Variants in LENG1 observed in about 807,000 individuals in gnomAD.
LENG1 encodes the protein leukocyte receptor cluster member 1, also known as leukocyte receptor cluster (LRC) member 1.
Under a neutral mutation model 28.8 loss-of-function variants are expected in LENG1, and 35 were observed. The observed-to-expected ratio is 1.22, with a 90% CI of 0.93 to 1.61. LENG1 has a LOEUF of 1.61. Ranked by LOEUF, LENG1 falls within the 40% of genes most tolerant of loss-of-function variation. The probability of loss-of-function intolerance (pLI) is 0.00; values close to 1 mark genes in which losing one functional copy is unlikely to be tolerated. For missense variants in LENG1, 404 were observed against 348.9 expected (o/e 1.16, Z -1.26); for synonymous variants, 170 against 140.6 (o/e 1.21, Z -1.48).
At chr19:54,156,724 A>G (rs1384411919) in intron 3 of LENG1, 39 bp downstream of exon 3, 1 of 1,564,744 alleles carries the variant, frequency 6.4e-7, no homozygotes, top group Non-Finnish European at 8.7e-7. Context: ...CAAGCCCTGA[A>G]GGTCTGGGCC....
Position 54,159,702 on chromosome 19 carries a change from G to C in LENG1, c.-7C>G, listed in dbSNP as rs777357495. 3.7e-6 allele frequency: 6 copies of C among 1,600,372 alleles called. No homozygotes were observed. The highest frequency in any genetic ancestry group is 5.1e-6 in the Non-Finnish European group (6 of 1,173,740). ...TCTTGGGCAAGATATTCATGGCGTC[G>C]TAGCTGTCCAGGGACTGGCACGCCC... is the stretch of plus-strand genomic sequence containing the variant. On this transcript the variant is annotated 5_prime_UTR_variant, in exon 1 of 4. Transcript: ENST00000222224.
In LENG1 at chr19:54,155,442, G is replaced by A. The variant is rs1433775071; in HGVS notation, c.*279C>T. 5 of 1,144,864 alleles carry A rather than the reference G, an allele frequency of 4.4e-6. No homozygotes were observed. Among genetic ancestry groups the A allele is most frequent in the East Asian group, 4.0e-5 (1 of 25,018 alleles). 70.9% of individuals were successfully genotyped at this position (1,144,864 alleles called of 1,614,324 possible). A position where few individuals can be genotyped will look rare whatever the true frequency, so the allele number is the denominator to read the frequency against. ...CTCCCTCTACCCACCCCCTTCCCCCGCATGCTGATCCCCCTGCCCAGGTGA... is the reference window on the plus strand; with the variant it reads ...CTCCCTCTACCCACCCCCTTCCCCCACATGCTGATCCCCCTGCCCAGGTGA... On this transcript the variant is annotated 3_prime_UTR_variant, in exon 4 of 4. Coordinates refer to ENST00000222224, the MANE Select transcript of LENG1 (RefSeq NM_024316.3).
rs774511052 is a variant in LENG1, at chr19:54,159,719, G to A, written c.-24C>T. 1.4e-5 allele frequency: 22 copies of A among 1,553,400 alleles called. No individual in the cohort carries two copies. Among genetic ancestry groups the A allele is most frequent in the East Asian group, 2.3e-5 (1 of 44,144 alleles). On this transcript the variant is annotated 5_prime_UTR_variant, in exon 1 of 4. Transcript: ENST00000222224. ...ATGGCGTCGTAGCTGTCCAGGGACTGGCACGCCCGCCTCTTTGCACTTCCG... is the reference window on the plus strand; with the variant it reads ...ATGGCGTCGTAGCTGTCCAGGGACTAGCACGCCCGCCTCTTTGCACTTCCG...
At chr19:54,158,600 C>G in intron 1 of LENG1, 139 bp from the exon 2 acceptor site, 1 of 727,792 alleles carries the variant, frequency 1.4e-6, no homozygotes, top group Non-Finnish European at 2.3e-6. Context: ...AAAAGAGGCA[C>G]CTGTCCTAGC....
Position 54,156,772 on chromosome 19 carries a change from C to T in LENG1, c.566G>A (p.Arg189Gln), listed in dbSNP as rs780571663. 1.1e-5 allele frequency: 17 copies of T among 1,611,058 alleles called. No individual in the cohort carries two copies. The highest frequency in any genetic ancestry group is 6.7e-5 in the East Asian group (3 of 44,832). The part of the protein sequence containing the change: ...RKEKEGSEKQ[R>Q]PKEPPSLDQL... ...GGTGGGGTCTTCTTACTCCTTGGGTCGCTGCTTCTCAGACCCCTCCTTTTC... is the reference window on the plus strand; with the variant it reads ...GGTGGGGTCTTCTTACTCCTTGGGTTGCTGCTTCTCAGACCCCTCCTTTTC... The change falls in exon 3 of 4, where the codon CGA (arginine) becomes CAA (glutamine). Residue 189 changes from arginine to glutamine, a missense_variant. Transcript: ENST00000222224.
chr19:54,159,138 C>T (rs1423179924), intron 1 of LENG1, among the ~76,000 whole-genome samples: 1 of 152,220 alleles, frequency 6.6e-6, no homozygotes, highest in African/African-American at 2.4e-5. Context: ...ATGACAGTGC[C>T]CCTCTAAGAA....
At position 54,155,636 on chromosome 19, in the gene LENG1, C is replaced by T. The variant is rs1239947864; in HGVS notation, c.*85G>A. 3.0e-6 allele frequency: 4 copies of T among 1,349,992 alleles called. No individual in the cohort carries two copies. Among genetic ancestry groups the T allele is most frequent in the South Asian group, 2.8e-5 (2 of 70,256 alleles). The allele number at this position is 1,349,992 out of a possible 1,614,324, so 83.6% of individuals were successfully genotyped here. A position where few individuals can be genotyped will look rare whatever the true frequency, so the allele number is the denominator to read the frequency against. Reference sequence around the variant, plus strand: ...CAGTGAGGGACATTTTTTGGTAAACCTATTTTCATTTTGGAAAATATTTAT... The same window carrying T: ...CAGTGAGGGACATTTTTTGGTAAACTTATTTTCATTTTGGAAAATATTTAT... On this transcript the variant is annotated 3_prime_UTR_variant, in exon 4 of 4. Coordinates refer to ENST00000222224, the MANE Select transcript of LENG1 (RefSeq NM_024316.3).
rs751069576 is a variant in LENG1 at position 54,156,833 on chromosome 19, G to C, written c.505C>G (p.Gln169Glu). 1.4e-5 allele frequency: 23 copies of C among 1,612,922 alleles called. No individual in the cohort carries two copies. The East Asian group carries it at 4.2e-4, about 30-fold the overall frequency. Reference protein sequence around the residue: ...EMQKHLGKKRQHGGDEGSRSR... With the variant: ...EMQKHLGKKREHGGDEGSRSR... ...CGACTGCCTTCATCACCGCCGTGCT[G>C]TCTCTTCTTCCCCAGATGCTTCTGC... Residue 169 changes from glutamine to glutamate, a missense_variant, in exon 3 of 4, where the codon CAG becomes GAG. Gln to Glu is a conservative substitution (Grantham distance 29). Transcript: ENST00000222224.
At position 54,156,926 on chromosome 19, in the gene LENG1, C is replaced by G. The variant is rs1338000172; in HGVS notation, c.412G>C (p.Gly138Arg). ...PPWYQLPPGR[G>R]GPPPGPAPDE... Reference sequence around the variant, plus strand: ...GGGGCTGGGCCGGGCGGGGGGCCCCCTCGCCCTGGGGGTAGCTGGTACCAA... The same window carrying G: ...GGGGCTGGGCCGGGCGGGGGGCCCCGTCGCCCTGGGGGTAGCTGGTACCAA... Residue 138 changes from glycine to arginine, a missense_variant, in exon 3 of 4, where the codon GGG becomes CGG. Physicochemically the swap from Gly to Arg is moderately radical, Grantham distance 125. Coordinates refer to ENST00000222224, the MANE Select transcript of LENG1 (RefSeq NM_024316.3). 4.3e-6 allele frequency: 7 copies of G among 1,612,170 alleles called. No individual in the cohort carries two copies. The highest frequency in any genetic ancestry group is 5.9e-6 in the Non-Finnish European group (7 of 1,178,554).
Position 54,155,211 on chromosome 19 carries a change from A to G in LENG1, c.*510T>C. ...GGGCAGCTGGCCCGGTGCCTGACACATCCACAGCCCTAAGAATTGTCCCCT... is the reference window on the plus strand; with the variant it reads ...GGGCAGCTGGCCCGGTGCCTGACACGTCCACAGCCCTAAGAATTGTCCCCT... On this transcript the variant is annotated 3_prime_UTR_variant, in exon 4 of 4. Coordinates refer to ENST00000222224, the MANE Select transcript of LENG1 (RefSeq NM_024316.3). The G allele has an allele frequency of 1.3e-6, 2 of 1,498,264 alleles. No individual in the cohort carries two copies. Among genetic ancestry groups the G allele is most frequent in the Non-Finnish European group, 1.8e-6 (2 of 1,108,336 alleles). 92.8% of individuals were successfully genotyped at this position (1,498,264 alleles called of 1,614,324 possible).
rs772416924 is a variant in LENG1 at position 54,158,443 on chromosome 19, G to A, written c.151C>T (p.Arg51Trp). The A allele has an allele frequency of 1.2e-6, 2 of 1,614,070 alleles. No individual in the cohort carries two copies. Among genetic ancestry groups the A allele is most frequent in the South Asian group, 2.2e-5 (2 of 91,080 alleles). The change falls in exon 2 of 4, where the codon CGG (arginine) becomes TGG (tryptophan). Residue 51 changes from arginine to tryptophan, a missense_variant. By Grantham distance (101) the Arg-to-Trp change is moderately radical (BLOSUM62 -3). Coordinates refer to ENST00000222224, the MANE Select transcript of LENG1 (RefSeq NM_024316.3). ...GAGTTCTGATGTCTGGCTTTCTTCC[G>A]TAGGAATTCTGTACGGGCCTGGGGA... ...AQQEARTEFLRKKARHQNSLP... is the reference protein window; with the variant it reads ...AQQEARTEFLWKKARHQNSLP...
At chr19:54,156,075 C>T (rs1223538413) in intron 3 of LENG1, 135 bp from the exon 4 acceptor site, 2 of 745,862 alleles carry the variant, frequency 2.7e-6, no homozygotes, top group African/African-American at 3.5e-5. Context: ...CTTAGGCCTG[C>T]TGGAAGCAGC....
chr19:54,159,200 G>C (rs1437893839), intron 1 of LENG1, among the ~76,000 whole-genome samples: 1 of 152,246 alleles, frequency 6.6e-6, no homozygotes, highest in Non-Finnish European at 1.5e-5. Context: ...CATGTAGTTA[G>C]CATACAGTAG....
At chr19:54,159,423 T>A in intron 1 of LENG1, 141 bp downstream of exon 1, 1 of 885,726 alleles carries the variant, frequency 1.1e-6, no homozygotes, top group East Asian at 2.8e-5. Context: ...CGGGGCAACG[T>A]CCTCGAAAGT....
In LENG1 at chr19:54,158,321, T is replaced by C; in HGVS notation, c.273A>G (p.Arg91=). ...ELLEEGKGVI[R]GNKEYKEEKR... ...TTTCTTCCTTGTACTCTTTATTGCCTCTGATCACTCCTTTCCCTTCCTCCA... is the reference window on the plus strand; with the variant it reads ...TTTCTTCCTTGTACTCTTTATTGCCCCTGATCACTCCTTTCCCTTCCTCCA... Residue 91 remains arginine, a synonymous_variant, in exon 2 of 4, where the codon AGA becomes AGG. Coordinates refer to ENST00000222224, the MANE Select transcript of LENG1 (RefSeq NM_024316.3). 6.2e-7 allele frequency: 1 copy of C among 1,614,032 alleles called. No individual in the cohort carries two copies.
intron 2 of LENG1, 104 bp from the exon 3 acceptor site, chr19:54,157,129 A>AT (rs1376106476): frequency 1.1e-6 from 1 of 928,984 alleles, no homozygotes; most frequent in East Asian, 2.8e-5. Flanking sequence ...AAGGCTTGTT[A>AT]TGAACCAGTT....
Position 54,159,692 on chromosome 19 carries a change from T to G in LENG1, c.4A>C (p.Asn2His). The G allele has an allele frequency of 6.2e-7, 1 of 1,610,090 alleles. No homozygotes were observed. Residue 2 changes from asparagine (N) to histidine (H), a missense_variant, in exon 1 of 4, where the codon AAT becomes CAT. Transcript: ENST00000222224. MNILPKKSWHVR... is the reference protein window; with the variant it reads MHILPKKSWHVR... ...TGCCAGCTCTTCTTGGGCAAGATAT[T>G]CATGGCGTCGTAGCTGTCCAGGGAC...
In LENG1 at chr19:54,157,039, G is replaced by A; in HGVS notation, c.313-14C>T. 3 of 1,513,382 alleles carry A rather than the reference G, an allele frequency of 2.0e-6. No individual in the cohort carries two copies. The highest frequency in any genetic ancestry group is 2.7e-6 in the Non-Finnish European group (3 of 1,131,158). The allele number at this position is 1,513,382 out of a possible 1,614,324, so 93.7% of individuals were successfully genotyped here. On this transcript the variant is annotated splice_polypyrimidine_tract_variant and intron_variant, in intron 2 of 3. Coordinates refer to ENST00000222224, the MANE Select transcript of LENG1 (RefSeq NM_024316.3). ...CTCTTGCCTCTCCTGAGGGGGCCAG[G>A]AAATACAAGAGATGTGATATAATCT... is the stretch of plus-strand genomic sequence containing the variant.
rs142913817 is a variant in LENG1 at position 54,155,909 on chromosome 19, G to A, written c.607C>T (p.Arg203Cys). 1.7e-5 allele frequency: 28 copies of A among 1,611,914 alleles called. No homozygotes were observed. In the East Asian group the frequency reaches 4.0e-4, roughly 23 times the overall value. ...CTCTCAGCTGCTTCCCTCCGCAGAC[G>A]TTCAGCTCGAAGCTGGTCCAGGGAT... Reference protein sequence around the residue: ...PPSLDQLRAERLRREAAERSR... With the variant: ...PPSLDQLRAECLRREAAERSR... The change falls in exon 4 of 4, where the codon CGT (arginine) becomes TGT (cysteine). Residue 203 changes from arginine to cysteine, a missense_variant. Coordinates refer to ENST00000222224, the MANE Select transcript of LENG1 (RefSeq NM_024316.3).
Sources: allele counts gnomAD v4.1 joint callset (sites outside exome capture counted in the v4.1 genomes callset), GRCh38; gene constraint gnomAD v4.1.1; transcripts MANE v1.5; gene names NCBI Gene and HGNC (gene_info 2026-07-23, HGNC 2026-07-21).